Variants in SLC25A26 observed in about 807,000 individuals in gnomAD.
SLC25A26 encodes solute carrier family 25 member 26.
Under a neutral mutation model 37.8 loss-of-function variants are expected in SLC25A26, and 36 were observed. The observed-to-expected ratio is 0.95, with a 90% CI of 0.73 to 1.26. The LOEUF is 1.26. Ranked by LOEUF, SLC25A26 falls within the 50% of genes most tolerant of loss-of-function variation. SLC25A26 has a pLI of 0.00. For missense variants in SLC25A26, 390 were observed against 331.1 expected (o/e 1.18, Z -1.38); for synonymous variants, 129 against 122.5 (o/e 1.05, Z -0.35).
At chr3:66,371,305 C>T in intron 9 of SLC25A26, 5 of 1,549,810 alleles carry the variant, frequency 3.2e-6, no homozygotes, top group Non-Finnish European at 4.4e-6. Flanking sequence ...GCTGGCAGTG[C>T]CACCTCCTCA....
At position 66,138,773 on chromosome 3, in the gene SLC25A26, A is replaced by G. The variant is rs1009068976; in HGVS notation, c.-354+4789A>G. 4.6e-5 allele frequency among the ~76,000 whole-genome samples: 7 copies of G among 152,246 alleles called. No homozygotes were observed. The South Asian group carries it at 6.2e-4, about 14-fold the overall frequency. ...GTATTGGGAGGTCCTGGATACGGGCATCGGTTCCTTGGCAAAGCTTGGAAG... is the reference window on the plus strand; with the variant it reads ...GTATTGGGAGGTCCTGGATACGGGCGTCGGTTCCTTGGCAAAGCTTGGAAG... On this transcript the variant is annotated intron_variant, in intron 1 of 10. Transcript: ENST00000676754.
At chr3:66,343,266 G>A (rs995268995) in intron 5 of SLC25A26, among the ~76,000 whole-genome samples, 4 of 152,112 alleles carry the variant, frequency 2.6e-5, no homozygotes, top group African/African-American at 9.7e-5. Flanking sequence ...TGTTCATATT[G>A]TAAATGACAA....
chr3:66,294,446 G>C lies in SLC25A26; in HGVS notation c.453+31067G>C, dbSNP rs562971332. 2.2e-4 allele frequency among the ~76,000 whole-genome samples: 33 copies of C among 152,210 alleles called. 1 individual carries two copies. In the East Asian group the frequency reaches 6.4e-3, roughly 29 times the overall value. On this transcript the variant is annotated intron_variant, in intron 5 of 9. Transcript: ENST00000354883. Reference sequence around the variant, plus strand: ...GGACTATGGGGTTTTCTAGATATATGATCATGTCATTTACTGAGTTTTTAA... The same window carrying C: ...GGACTATGGGGTTTTCTAGATATATCATCATGTCATTTACTGAGTTTTTAA...
chr3:66,374,258 A>T (rs1418829602), intron 9 of SLC25A26, among the ~76,000 whole-genome samples: 3 of 152,176 alleles, frequency 2.0e-5, no homozygotes, highest in Non-Finnish European at 4.4e-5. Flanking sequence ...CTTTTCCAAT[A>T]GCACATGATG....
At chr3:66,211,646 G>C (rs893635153) in intron 1 of SLC25A26, among the ~76,000 whole-genome samples, 11 of 152,048 alleles carry the variant, frequency 7.2e-5, no homozygotes, top group African/African-American at 2.7e-4. Flanking sequence ...GACCAGTTGA[G>C]AGAAAAAATT....
intron 1 of SLC25A26, among the ~76,000 whole-genome samples, chr3:66,143,308 G>A (rs749513866): frequency 1.3e-5 from 2 of 152,138 alleles, no homozygotes; most frequent in African/African-American, 4.8e-5. Flanking sequence ...TTTGTGTACA[G>A]GTATGGTTTT....
In SLC25A26 at chr3:66,245,180, T is replaced by G. The variant is rs1335284999; in HGVS notation, c.300+1868T>G. On this transcript the variant is annotated intron_variant, in intron 3 of 9. Coordinates refer to ENST00000354883, the MANE Select transcript of SLC25A26 (RefSeq NM_001379210.1). Reference sequence around the variant, plus strand: ...GACTCAGCCTCCCAAAGTACTGGGATCATAGGCATGACCCACTGTGCCTGG... The same window carrying G: ...GACTCAGCCTCCCAAAGTACTGGGAGCATAGGCATGACCCACTGTGCCTGG... Among the ~76,000 whole-genome samples, 3 of 149,300 alleles carry G rather than the reference T, an allele frequency of 2.0e-5. No individual in the cohort carries two copies. In the Admixed American group the frequency reaches 2.0e-4, roughly 10 times the overall value.
At chr3:66,311,451 C>T (rs991973668) in intron 5 of SLC25A26, among the ~76,000 whole-genome samples, 1 of 151,874 alleles carries the variant, frequency 6.6e-6, no homozygotes, top group African/African-American at 2.4e-5. Context: ...CCTTTAGCTC[C>T]GAGGAGTTTG....
intron 3 of SLC25A26, among the ~76,000 whole-genome samples, 173 bp from the exon 4 acceptor site, chr3:66,261,878 T>C (rs2107281402): frequency 6.6e-6 from 1 of 151,674 alleles, no homozygotes; most frequent in South Asian, 2.1e-4. Flanking sequence ...CAAAACAATG[T>C]ACATGCTTTA....
intron 5 of SLC25A26, among the ~76,000 whole-genome samples, chr3:66,327,458 A>G (rs989305692): frequency 3.3e-5 from 5 of 152,214 alleles, no homozygotes; most frequent in Non-Finnish European, 7.3e-5. Flanking sequence ...CCACTCATAA[A>G]TATATAATAC....
chr3:66,307,685 A>T (rs2075265597), intron 5 of SLC25A26, among the ~76,000 whole-genome samples: 2 of 152,194 alleles, frequency 1.3e-5, no homozygotes, highest in African/African-American at 4.8e-5. Context: ...TATTAGGTAT[A>T]AGGAAGGGGT....
At chr3:66,224,628 C>G (rs1328428925) in intron 1 of SLC25A26, among the ~76,000 whole-genome samples, 1 of 152,170 alleles carries the variant, frequency 6.6e-6, no homozygotes, top group African/African-American at 2.4e-5. Flanking sequence ...AATCTCCTAT[C>G]CTCACATTTC....
At chr3:66,184,872 C>T (rs959893057) in intron 1 of SLC25A26, among the ~76,000 whole-genome samples, 31 of 152,124 alleles carry the variant, frequency 2.0e-4, no homozygotes, top group Admixed American at 1.3e-3. Context: ...TGATCCTGAC[C>T]GTCAACCTGA....
chr3:66,348,416 G>A (rs924700279), intron 6 of SLC25A26, among the ~76,000 whole-genome samples: 14 of 152,150 alleles, frequency 9.2e-5, no homozygotes, highest in South Asian at 4.1e-4. Context: ...TGTATTTCTC[G>A]CTGTGGATAA....
At position 66,175,140 on chromosome 3, in the gene SLC25A26, T is replaced by TAC. The variant is rs1227038410; in HGVS notation, c.-354+41176_-354+41177dup. Among the ~76,000 whole-genome samples the TAC allele has an allele frequency of 3.5e-3, 236 of 66,976 alleles. 2 individuals are homozygous for TAC. The highest frequency in any genetic ancestry group is 6.0e-3 in the South Asian group (15 of 2,518). 43.9% of individuals were successfully genotyped at this position (66,976 alleles called of 152,430 possible). The stretch of plus-strand genomic sequence containing the variant: ...ATATATATATATATATATATATATA[T>TAC]ACACACACACACACACACACATTAT... On this transcript the variant is annotated intron_variant, in intron 1 of 10. Transcript: ENST00000676754.
rs559040301 is a variant in SLC25A26 at position 66,225,903 on chromosome 3, G to T, written c.33+4776G>T. On this transcript the variant is annotated intron_variant, in intron 1 of 9. Coordinates refer to ENST00000354883, the MANE Select transcript of SLC25A26 (RefSeq NM_001379210.1). ...CTCCATCTGAGTCCACTTCAGCCTG[G>T]ATTTTATTGTCCATCTCACTGTCAG... Among the ~76,000 whole-genome samples the T allele has an allele frequency of 2.0e-5, 3 of 152,226 alleles. No homozygotes were observed. In the South Asian group the frequency reaches 6.2e-4, roughly 32 times the overall value.
At chr3:66,263,860 A>G (rs2073634662) in intron 5 of SLC25A26, among the ~76,000 whole-genome samples, 1 of 152,022 alleles carries the variant, frequency 6.6e-6, no homozygotes, top group Non-Finnish European at 1.5e-5. Context: ...GGGTTTCACC[A>G]TGTTAGCCAG....
At chr3:66,258,037 T>G (rs1399489201) in intron 3 of SLC25A26, among the ~76,000 whole-genome samples, 1 of 152,156 alleles carries the variant, frequency 6.6e-6, no homozygotes, top group Non-Finnish European at 1.5e-5. Flanking sequence ...ATGAAGAATA[T>G]TTTTTGGAAG....
intron 9 of SLC25A26, among the ~76,000 whole-genome samples, chr3:66,373,560 G>A (rs944624985): frequency 1.3e-5 from 2 of 152,038 alleles, no homozygotes; most frequent in African/African-American, 2.4e-5. Flanking sequence ...CGCCTGTCTA[G>A]CACTCTTTCC....
Sources: gnomAD v4.1 joint callset for allele counts (sites outside exome capture counted in the v4.1 genomes callset) on GRCh38, gnomAD v4.1.1 for gene constraint, MANE v1.5 for transcripts, NCBI Gene and HGNC (gene_info 2026-07-23, HGNC 2026-07-21) for gene names.